USP29: variants seen among roughly 807,000 people sequenced by gnomAD.
USP29 encodes the protein ubiquitin carboxyl-terminal hydrolase 29.
For missense variants in USP29, 1,102 were observed against 1,069.0 expected, an observed-to-expected ratio of 1.03 and a Z score of -0.43; for synonymous variants, 386 against 387.4, an observed-to-expected ratio of 1.00 and a Z score of 0.04.
rs747876983 is a variant in USP29 at position 57,129,606 on chromosome 19, GA to G, written c.932del (p.Asp311ValfsTer20). On this transcript the variant is annotated frameshift_variant, in exon 4 of 4. Coordinates refer to ENST00000254181, the MANE Select transcript of USP29 (RefSeq NM_020903.3). LOFTEE classifies it low-confidence loss of function (END_TRUNC). ...GCTATTTGCAATTCCATCTTTTGCT[GA>G]TGACTTACTCACTCAAGGTGTCCCA... ...QSLFAIPSFA[D>X]DLLTQGVPWE... is the part of the protein sequence containing the mutation. 1.9e-6 allele frequency: 3 copies of G among 1,614,072 alleles called. No individual in the cohort carries two copies. The South Asian group carries it at 3.3e-5, about 18-fold the overall frequency.
In USP29 at chr19:57,130,883, G is replaced by A. The variant is rs1568456720; in HGVS notation, c.2208G>A (p.Gln736=). 6.2e-7 allele frequency: 1 copy of A among 1,614,212 alleles called. No individual in the cohort carries two copies. Among genetic ancestry groups the A allele is most frequent in the East Asian group, 2.2e-5 (1 of 44,876 alleles). The change falls in exon 4 of 4, where the codon CAG becomes CAA. Residue 736 remains glutamine, a synonymous_variant. Coordinates refer to ENST00000254181, the MANE Select transcript of USP29 (RefSeq NM_020903.3). ...AAGGAATGGCTGAACAGCTCCAGCA[G>A]TGTATTGAGGAGAGCATCATAGATG... ...GSQGMAEQLQ[Q]CIEESIIDEF... is the part of the protein sequence containing the mutation.
At chr19:57,121,976 GATAC>G (rs988050334) in intron 1 of USP29, among the ~76,000 whole-genome samples, 2 of 134,056 alleles carry the variant, frequency 1.5e-5, no homozygotes, top group African/African-American at 2.8e-5. Context: ...TAGATAGATA[GATAC>G]ATAGAACATC....
At position 57,130,631 on chromosome 19, in the gene USP29, G is replaced by T. The variant is rs1446528102; in HGVS notation, c.1956G>T (p.Met652Ile). Residue 652 changes from methionine (M) to isoleucine (I), a missense_variant, in exon 4 of 4, where the codon ATG (methionine) becomes ATT (isoleucine). Coordinates refer to ENST00000254181, the MANE Select transcript of USP29 (RefSeq NM_020903.3). ...AGCTTCCAGTGGCTGACTCACTGAT[G>T]GACCAGGGAGACATTTCTCTTCCTG... is the stretch of plus-strand genomic sequence containing the variant. ...EKELPVADSL[M>I]DQGDISLPVM... The T allele has an allele frequency of 1.2e-6, 2 of 1,614,174 alleles. No homozygotes were observed. The highest frequency in any genetic ancestry group is 4.5e-5 in the East Asian group (2 of 44,878).
In USP29 at chr19:57,128,747, A is replaced by G. The variant is rs2086836412; in HGVS notation, c.72A>G (p.Glu24=). Residue 24 remains glutamate (E), a synonymous_variant, in exon 4 of 4, where the codon GAA becomes GAG. Transcript: ENST00000254181. Reference sequence around the variant, plus strand: ...AGACTGGGATGACTAAGCTGAAAGAAGCTCTCATTGAAACAGTGCAAAGAC... The same window carrying G: ...AGACTGGGATGACTAAGCTGAAAGAGGCTCTCATTGAAACAGTGCAAAGAC... ...SQKTGMTKLK[E]ALIETVQRQK... 1 of 1,612,324 alleles carries G rather than the reference A, an allele frequency of 6.2e-7. No individual in the cohort carries two copies. The highest frequency in any genetic ancestry group is 1.3e-5 in the African/African-American group (1 of 74,808).
Position 57,131,241 on chromosome 19 carries a change from T to C in USP29, c.2566T>C (p.Tyr856His). ...YDFQKQAWFTYNDLCVSEISE... is the reference protein window; with the variant it reads ...YDFQKQAWFTHNDLCVSEISE... ...CTTTCAGAAGCAGGCCTGGTTCACA[T>C]ACAACGATCTATGTGTATCAGAAAT... is the stretch of plus-strand genomic sequence containing the variant. Residue 856 changes from tyrosine (Y) to histidine (H), a missense_variant, in exon 4 of 4, where the codon TAC becomes CAC. Coordinates refer to ENST00000254181, the MANE Select transcript of USP29 (RefSeq NM_020903.3). 1 of 1,614,202 alleles carries C rather than the reference T, an allele frequency of 6.2e-7. No individual in the cohort carries two copies. The highest frequency in any genetic ancestry group is 1.1e-5 in the South Asian group (1 of 91,084).
Position 57,130,469 on chromosome 19 carries a change from C to A in USP29, c.1794C>A (p.Asp598Glu). The stretch of plus-strand genomic sequence containing the variant: ...CCCTGGTTCTACCCGTTGAACCAGA[C>A]AAGAATGCCGACCTACAAAGATTCC... ...SDSLVLPVEP[D>E]KNADLQRFQR... Residue 598 changes from aspartate to glutamate, a missense_variant, in exon 4 of 4, where the codon GAC becomes GAA. Transcript: ENST00000254181. 2 of 1,614,146 alleles carry A rather than the reference C, an allele frequency of 1.2e-6. No individual in the cohort carries two copies. The highest frequency in any genetic ancestry group is 1.7e-6 in the Non-Finnish European group (2 of 1,180,030).
chr19:57,123,604 G>A (rs74893436), intron 2 of USP29, among the ~76,000 whole-genome samples: 9,262 of 152,128 alleles, frequency 0.061, 358 homozygotes, highest in East Asian at 0.17. Flanking sequence ...GTGTGATCTC[G>A]ATGCATCCTC....
intron 3 of USP29, among the ~76,000 whole-genome samples, chr19:57,126,732 A>G (rs1478879583): frequency 6.6e-6 from 1 of 151,950 alleles, no homozygotes; most frequent in Non-Finnish European, 1.5e-5. Flanking sequence ...GGAGTTTGTT[A>G]TTACCCACCT....
intron 2 of USP29, among the ~76,000 whole-genome samples, chr19:57,123,100 A>G (rs938951462): frequency 6.6e-6 from 1 of 152,204 alleles, no homozygotes; most frequent in African/African-American, 2.4e-5. Flanking sequence ...AACAGCAGCC[A>G]TTTCTGATTA....
At position 57,125,569 on chromosome 19, in the gene USP29, G is replaced by A. The variant is rs529286370; in HGVS notation, c.-17+1430G>A. 2.0e-5 allele frequency among the ~76,000 whole-genome samples: 3 copies of A among 151,946 alleles called. No homozygotes were observed. In the East Asian group the frequency reaches 5.9e-4, roughly 30 times the overall value. ...TGTTGGTTTAACATCTGTTTTATCA[G>A]AGACTAGGATTGCAACCCATCCTTT... On this transcript the variant is annotated intron_variant, in intron 3 of 3. Coordinates refer to ENST00000254181, the MANE Select transcript of USP29 (RefSeq NM_020903.3).
upstream of USP29, among the ~76,000 whole-genome samples, chr19:57,119,459 GT>G (rs112952229): frequency 0.022 from 3,317 of 152,240 alleles, 127 homozygotes; most frequent in African/African-American, 0.075. Flanking sequence ...GTCTCGCTCT[GT>G]CGCCCAGGCT....
chr19:57,129,807 G>T lies in USP29; in HGVS notation c.1132G>T (p.Gly378Cys). 6.2e-7 allele frequency: 1 copy of T among 1,614,132 alleles called. No individual in the cohort carries two copies. The highest frequency in any genetic ancestry group is 1.3e-5 in the African/African-American group (1 of 75,046). ...NMQNDAHEFL[G>C]QCLDQLKEDM... The stretch of plus-strand genomic sequence containing the variant: ...GCAGAATGATGCTCATGAGTTTTTA[G>T]GTCAGTGTTTAGACCAGCTGAAAGA... The change falls in exon 4 of 4, where the codon GGT becomes TGT. Residue 378 changes from glycine to cysteine, a missense_variant. Gly to Cys is a radical substitution (Grantham distance 159). Coordinates refer to ENST00000254181, the MANE Select transcript of USP29 (RefSeq NM_020903.3).
rs1214496139 is a variant in USP29, at chr19:57,131,191, G to A, written c.2516G>A (p.Gly839Asp). ...VSHIGSSPNS[G>D]HYISDVYDFQ... The stretch of plus-strand genomic sequence containing the variant: ...CATATCGGGAGCTCCCCAAATTCAG[G>A]CCATTACATCAGCGATGTGTATGAC... Residue 839 changes from glycine (G) to aspartate (D), a missense_variant, in exon 4 of 4, where the codon GGC becomes GAC. Physicochemically the swap from Gly to Asp is moderately conservative, Grantham distance 94. Coordinates refer to ENST00000254181, the MANE Select transcript of USP29 (RefSeq NM_020903.3). The A allele has an allele frequency of 6.2e-7, 1 of 1,614,066 alleles. No individual in the cohort carries two copies. Among genetic ancestry groups the A allele is most frequent in the East Asian group, 2.2e-5 (1 of 44,896 alleles).
At chr19:57,126,017 T>C (rs1043982460) in intron 3 of USP29, among the ~76,000 whole-genome samples, 8 of 152,306 alleles carry the variant, frequency 5.3e-5, no homozygotes, top group African/African-American at 1.9e-4. Context: ...TTTCTTCGCT[T>C]ATGAAGCTTA....
At chr19:57,119,573 C>T (rs972713639), upstream of USP29, among the ~76,000 whole-genome samples, 2 of 152,188 alleles carry the variant, frequency 1.3e-5, no homozygotes, top group African/African-American at 4.8e-5. Context: ...CAGGCGCCCA[C>T]CACCATGCCC....
rs1040216307 is a variant in USP29 at position 57,120,023 on chromosome 19, G to A, written c.-474G>A. On this transcript the variant is annotated 5_prime_UTR_variant, in exon 1 of 4. Coordinates refer to ENST00000254181, the MANE Select transcript of USP29 (RefSeq NM_020903.3). ...CAGGAGAATCAGGGGAGTCGGCGCC[G>A]GAAGGGGCGGGTCCGAGCTGAGATT... 1.3e-5 allele frequency: 2 copies of A among 152,486 alleles called. No individual in the cohort carries two copies. Among genetic ancestry groups the A allele is most frequent in the African/African-American group, 4.8e-5 (2 of 41,474 alleles). 9.4% of individuals were successfully genotyped at this position (152,486 alleles called of 1,614,324 possible).
intron 3 of USP29, among the ~76,000 whole-genome samples, chr19:57,125,250 T>C (rs2086817810): frequency 6.6e-6 from 1 of 152,206 alleles, no homozygotes; most frequent in Non-Finnish European, 1.5e-5. Context: ...TTTGTTATGA[T>C]TTCCGTTCTT....
Position 57,131,865 on chromosome 19 carries a change from C to A in USP29, c.*421C>A. On this transcript the variant is annotated 3_prime_UTR_variant, in exon 4 of 4. Coordinates refer to ENST00000254181, the MANE Select transcript of USP29 (RefSeq NM_020903.3). The stretch of plus-strand genomic sequence containing the variant: ...AGAACACTGGTAATGTGTGGAGTAT[C>A]TTGGTGTATTTTGCTACTGTTGATA... 5.5e-6 allele frequency: 1 copy of A among 183,168 alleles called. No homozygotes were observed. Among genetic ancestry groups the A allele is most frequent in the East Asian group, 1.7e-4 (1 of 5,778 alleles). The allele number at this position is 183,168 out of a possible 1,614,324, so 11.3% of individuals were successfully genotyped here. A position where few individuals can be genotyped will look rare whatever the true frequency, so the allele number is the denominator to read the frequency against.
At position 57,129,729 on chromosome 19, in the gene USP29, G is replaced by T; in HGVS notation, c.1054G>T (p.Gly352Trp). ...CSTKIKRELL[G>W]NVKKVISAVA... Reference sequence around the variant, plus strand: ...TACAAAGATCAAGAGAGAATTACTTGGGAATGTTAAAAAAGTCATTTCAGC... The same window carrying T: ...TACAAAGATCAAGAGAGAATTACTTTGGAATGTTAAAAAAGTCATTTCAGC... Residue 352 changes from glycine to tryptophan, a missense_variant, in exon 4 of 4, where the codon GGG (glycine) becomes TGG (tryptophan). Coordinates refer to ENST00000254181, the MANE Select transcript of USP29 (RefSeq NM_020903.3). The T allele has an allele frequency of 6.2e-7, 1 of 1,613,724 alleles. No individual in the cohort carries two copies. Among genetic ancestry groups the T allele is most frequent in the South Asian group, 1.1e-5 (1 of 90,950 alleles).
Sources: gnomAD v4.1 joint callset for allele counts (sites outside exome capture counted in the v4.1 genomes callset) on GRCh38, gnomAD v4.1.1 for gene constraint, MANE v1.5 for transcripts, NCBI Gene and HGNC (gene_info 2026-07-23, HGNC 2026-07-21) for gene names.